CDH12: variants seen among roughly 807,000 people sequenced by gnomAD.
CDH12 encodes the protein cadherin-12.
In CDH12, 41 loss-of-function variants were observed where a neutral mutation model predicts 74.1. The observed-to-expected ratio is 0.55, with a 90% confidence interval of 0.43 to 0.72. The LOEUF (loss-of-function observed/expected upper bound fraction) is 0.72. Ranked by LOEUF, CDH12 falls within the 30% of genes least tolerant of loss-of-function variation. CDH12 has a pLI of 0.00. For synonymous variants in CDH12, 399 were observed against 355.0 expected, an observed-to-expected ratio of 1.12 and a Z score of -1.39; for missense variants, 945 against 977.2, an observed-to-expected ratio of 0.97 and a Z score of 0.44.
At chr5:21,856,505 A>G (rs953745002) in intron 6 of CDH12, among the ~76,000 whole-genome samples, 1 of 151,864 alleles carries the variant, frequency 6.6e-6, no homozygotes, top group Non-Finnish European at 1.5e-5. Context: ...TTTGAGAAAT[A>G]AGAAATATTT....
intron 3 of CDH12, among the ~76,000 whole-genome samples, chr5:22,363,659 C>T (rs746606047): frequency 6.6e-6 from 1 of 152,116 alleles, no homozygotes; most frequent in East Asian, 1.9e-4. Flanking sequence ...CCCTTGATTA[C>T]ATTTATATAC....
intron 3 of CDH12, among the ~76,000 whole-genome samples, chr5:22,383,894 T>A (rs1741879376): frequency 1.3e-5 from 2 of 152,102 alleles, no homozygotes; most frequent in Admixed American, 1.3e-4. Context: ...ACAATCTCCC[T>A]CTTTTGGTAA....
chr5:22,441,997 C>T (rs988570099), intron 2 of CDH12, among the ~76,000 whole-genome samples: 3 of 151,990 alleles, frequency 2.0e-5, no homozygotes, highest in African/African-American at 7.2e-5. Flanking sequence ...AGCCATGGAG[C>T]GTGGCCCCTT....
chr5:22,471,997 T>C (rs900395366), intron 2 of CDH12, among the ~76,000 whole-genome samples: 3 of 152,128 alleles, frequency 2.0e-5, no homozygotes, highest in African/African-American at 7.2e-5. Flanking sequence ...AGAAGGTCAC[T>C]GGGTAGAAAA....
intron 14 of CDH12, among the ~76,000 whole-genome samples, chr5:21,752,483 A>G (rs973495580): frequency 2.0e-5 from 3 of 152,206 alleles, no homozygotes; most frequent in Admixed American, 6.5e-5. Flanking sequence ...AAAGTATTTT[A>G]GGGTCTGGTA....
At chr5:22,400,408 G>A (rs917414028) in intron 3 of CDH12, among the ~76,000 whole-genome samples, 3 of 151,960 alleles carry the variant, frequency 2.0e-5, no homozygotes, top group African/African-American at 7.2e-5. Flanking sequence ...CTAAGAATGA[G>A]ATTAAATATA....
At chr5:22,150,751 C>T (rs1203527247) in intron 4 of CDH12, among the ~76,000 whole-genome samples, 1 of 152,052 alleles carries the variant, frequency 6.6e-6, no homozygotes, top group Non-Finnish European at 1.5e-5. Flanking sequence ...CAGACCTGTG[C>T]TTAGATATTC....
intron 3 of CDH12, among the ~76,000 whole-genome samples, chr5:22,242,551 T>G (rs1752789027): frequency 6.6e-6 from 1 of 152,212 alleles, no homozygotes; most frequent in African/African-American, 2.4e-5. Flanking sequence ...TACTGGAATG[T>G]TAGGACCAGA....
chr5:22,570,833 A>G (rs1739506641), intron 1 of CDH12, among the ~76,000 whole-genome samples: 1 of 152,190 alleles, frequency 6.6e-6, no homozygotes. Flanking sequence ...TTCTTCCTTT[A>G]TAAGACTGTT....
intron 5 of CDH12, among the ~76,000 whole-genome samples, chr5:22,001,084 C>T (rs1194824264): frequency 6.6e-6 from 1 of 152,066 alleles, no homozygotes; most frequent in African/African-American, 2.4e-5. Flanking sequence ...TGACTTCACC[C>T]TCTAAATTTG....
intron 4 of CDH12, among the ~76,000 whole-genome samples, chr5:22,194,035 G>A (rs1358946643): frequency 6.6e-6 from 1 of 152,128 alleles, no homozygotes; most frequent in Non-Finnish European, 1.5e-5. Context: ...ATGAAAATGA[G>A]GCTTCTATGT....
At chr5:22,343,329 G>GACACAC (rs1739970614) in intron 3 of CDH12, among the ~76,000 whole-genome samples, 2 of 111,888 alleles carry the variant, frequency 1.8e-5, no homozygotes, top group African/African-American at 7.6e-5. Context: ...CACACAGAGA[G>GACACAC]AGAGAGAGAG....
At chr5:22,801,636 CATATAT>C (rs568139109) in intron 1 of CDH12, among the ~76,000 whole-genome samples, 5,031 of 50,296 alleles carry the variant, frequency 0.1, 325 homozygotes, top group Middle Eastern at 0.17. Context: ...CTCTGCTTAT[CATATAT>C]ATATATATAT....
intron 5 of CDH12, among the ~76,000 whole-genome samples, chr5:21,989,785 A>T (rs1387429509): frequency 6.6e-6 from 1 of 152,148 alleles, no homozygotes; most frequent in Non-Finnish European, 1.5e-5. Context: ...CAAAACCTGC[A>T]CCAGAATGAA....
chr5:22,491,610 C>CAAAAAAAAAAAAAA (rs11446320), intron 2 of CDH12, among the ~76,000 whole-genome samples: 4 of 120,836 alleles, frequency 3.3e-5, no homozygotes, highest in African/African-American at 6.2e-5. Flanking sequence ...AGCTAATGAG[C>CAAAAAAAAAAAAAA]AAAAAAAAAA....
intron 1 of CDH12, among the ~76,000 whole-genome samples, chr5:22,520,900 T>A (rs994799377): frequency 2.6e-5 from 4 of 152,134 alleles, no homozygotes; most frequent in Non-Finnish European, 5.9e-5. Flanking sequence ...TTCCGTTAGT[T>A]ATTTATTATG....
At chr5:22,723,537 T>C (rs1744007475) in intron 1 of CDH12, among the ~76,000 whole-genome samples, 1 of 152,082 alleles carries the variant, frequency 6.6e-6, no homozygotes, top group African/African-American at 2.4e-5. Context: ...TGTGAAGGCA[T>C]TAGAGACAGA....
At chr5:22,350,848 G>T (rs1386615654) in intron 3 of CDH12, among the ~76,000 whole-genome samples, 1 of 152,144 alleles carries the variant, frequency 6.6e-6, no homozygotes, top group African/African-American at 2.4e-5. Context: ...TTCTTTAGGT[G>T]TTATGTTTAT....
intron 3 of CDH12, among the ~76,000 whole-genome samples, chr5:22,280,129 A>C (rs1736811884): frequency 6.6e-6 from 1 of 152,128 alleles, no homozygotes; most frequent in African/African-American, 2.4e-5. Context: ...GATGTCCAGT[A>C]ATGATGAGCA....
Sources: gnomAD v4.1 joint callset for allele counts (sites outside exome capture counted in the v4.1 genomes callset) on GRCh38, gnomAD v4.1.1 for gene constraint, MANE v1.5 for transcripts, NCBI Gene and HGNC (gene_info 2026-07-23, HGNC 2026-07-21) for gene names.